ZNF804A: variants seen among roughly 807,000 people sequenced by gnomAD.
ZNF804A encodes the protein zinc finger protein 804A.
A neutral mutation model predicts 16.5 loss-of-function variants in ZNF804A; 2 were observed. The observed-to-expected ratio is 0.12, with a 90% CI of 0.05 to 0.38. ZNF804A has a LOEUF of 0.38. Among genes scored for constraint, ZNF804A ranks in the 10% least tolerant of loss-of-function variants. The pLI is 0.99. For synonymous variants in ZNF804A, 534 were observed against 489.6 expected, an observed-to-expected ratio of 1.09 and a Z score of -1.20; for missense variants, 1,473 against 1,390.7, an observed-to-expected ratio of 1.06 and a Z score of -0.94.
chr2:184,619,806 A>C lies in ZNF804A; in HGVS notation c.111+20736A>C. On this transcript the variant is annotated intron_variant, in intron 1 of 3. Coordinates refer to ENST00000302277, the MANE Select transcript of ZNF804A (RefSeq NM_194250.2). ...ATTCTTATAATAATGATAGACTATA[A>C]ACATATTTTACAAAGAAGAATAAAT... Among the ~76,000 whole-genome samples, 3 of 152,034 alleles carry C rather than the reference A, an allele frequency of 2.0e-5. No individual in the cohort carries two copies. In the Middle Eastern group the frequency reaches 0.01, roughly 521 times the overall value.
intron 1 of ZNF804A, among the ~76,000 whole-genome samples, chr2:184,848,911 T>A (rs1369669122): frequency 6.6e-6 from 1 of 152,128 alleles, no homozygotes; most frequent in African/African-American, 2.4e-5. Flanking sequence ...AGCCCAGTGC[T>A]TCTTGAAAGT....
At chr2:184,627,245 A>G (rs1352771298) in intron 1 of ZNF804A, among the ~76,000 whole-genome samples, 1 of 152,164 alleles carries the variant, frequency 6.6e-6, no homozygotes, top group African/African-American at 2.4e-5. Context: ...ATTAGTACAT[A>G]AAATGAATCA....
intron 1 of ZNF804A, among the ~76,000 whole-genome samples, chr2:184,600,123 A>G (rs893682241): frequency 6.6e-6 from 1 of 152,194 alleles, no homozygotes. Context: ...TGAGGAGAGT[A>G]GAAGTTTAAG....
At chr2:184,692,287 T>C (rs1358758474) in intron 1 of ZNF804A, among the ~76,000 whole-genome samples, 1 of 152,162 alleles carries the variant, frequency 6.6e-6, no homozygotes, top group Non-Finnish European at 1.5e-5. Flanking sequence ...CTGTCTTCTG[T>C]CATGGTGTGA....
In ZNF804A at chr2:184,911,688, C is replaced by T. The variant is rs893615307; in HGVS notation, c.256-21915C>T. 6.6e-5 allele frequency among the ~76,000 whole-genome samples: 10 copies of T among 151,738 alleles called. No individual in the cohort carries two copies. The East Asian group carries it at 1.4e-3, about 21-fold the overall frequency. On this transcript the variant is annotated intron_variant, in intron 2 of 3. Transcript: ENST00000302277. ...AGTTTTCCTTGTGGAGACCTTTCAC[C>T]TCCTTGGTTAGACGTATTCTTGGAT...
At chr2:184,704,226 AC>A (rs1270914587) in intron 1 of ZNF804A, among the ~76,000 whole-genome samples, 1 of 149,528 alleles carries the variant, frequency 6.7e-6, no homozygotes, top group African/African-American at 2.5e-5. Flanking sequence ...ATCTCTACTC[AC>A]GGCAACCCCC....
chr2:184,644,346 A>G (rs902736490), intron 1 of ZNF804A, among the ~76,000 whole-genome samples: 1 of 151,672 alleles, frequency 6.6e-6, no homozygotes, highest in African/African-American at 2.4e-5. Flanking sequence ...AGAAGCAACA[A>G]TATTTGTGTG....
At position 184,938,930 on chromosome 2, in the gene ZNF804A, T is replaced by C; in HGVS notation, c.3534T>C (p.His1178=). ...CAATCATTCCAGCTTCCGTTCTTCA[T>C]CCTAGCCATCTGGCTTTCCCATCTT... ...QMPIIPASVL[H]PSHLAFPSLP... is the part of the protein sequence containing the mutation. The change falls in exon 4 of 4, where the codon CAT becomes CAC. Residue 1178 remains histidine (H), a synonymous_variant. Transcript: ENST00000302277. 6.2e-7 allele frequency: 1 copy of C among 1,613,946 alleles called. No homozygotes were observed. The highest frequency in any genetic ancestry group is 8.5e-7 in the Non-Finnish European group (1 of 1,179,982).
In ZNF804A at chr2:184,817,842, C is replaced by T. The variant is rs189375974; in HGVS notation, c.112-48527C>T. ...GACTATCTTTCCGAAATAAGACAGG[C>T]AGAAAAGGACAGAGGAAAAAAGAAT... is the stretch of plus-strand genomic sequence containing the variant. On this transcript the variant is annotated intron_variant, in intron 1 of 3. Transcript: ENST00000302277. Among the ~76,000 whole-genome samples, 407 of 151,696 alleles carry T rather than the reference C, an allele frequency of 2.7e-3. 1 individual carries two copies. Among genetic ancestry groups the T allele is most frequent in the Non-Finnish European group, 4.2e-3 (288 of 67,828 alleles).
intron 1 of ZNF804A, among the ~76,000 whole-genome samples, chr2:184,627,581 T>A (rs1691526054): frequency 6.6e-6 from 1 of 152,202 alleles, no homozygotes; most frequent in Admixed American, 6.6e-5. Flanking sequence ...ATAATTATTA[T>A]TAGCTTGACA....
At chr2:184,854,971 C>T (rs909686926) in intron 1 of ZNF804A, among the ~76,000 whole-genome samples, 3 of 151,956 alleles carry the variant, frequency 2.0e-5, no homozygotes, top group Admixed American at 6.6e-5. Context: ...GTGTTGATAA[C>T]ATATTTACTT....
At chr2:184,917,976 T>A (rs1212663364) in intron 2 of ZNF804A, among the ~76,000 whole-genome samples, 1 of 152,166 alleles carries the variant, frequency 6.6e-6, no homozygotes, top group Non-Finnish European at 1.5e-5. Context: ...TAGTCATTCC[T>A]TGACTAGTGG....
intron 1 of ZNF804A, among the ~76,000 whole-genome samples, chr2:184,689,286 T>C (rs1348203008): frequency 3.3e-5 from 5 of 152,274 alleles, no homozygotes; most frequent in Non-Finnish European, 7.4e-5. Context: ...ACAATCATCT[T>C]CTAGATTATT....
At chr2:184,806,373 CAAAT>C (rs1290419481) in intron 1 of ZNF804A, among the ~76,000 whole-genome samples, 2 of 151,766 alleles carry the variant, frequency 1.3e-5, no homozygotes, top group South Asian at 2.1e-4. Flanking sequence ...CAATTTTAGT[CAAAT>C]AAATAAATGT....
intron 1 of ZNF804A, among the ~76,000 whole-genome samples, chr2:184,798,348 A>G (rs1459844236): frequency 4.6e-5 from 7 of 151,394 alleles, no homozygotes. Context: ...AAACTTTTAG[A>G]TTTTTCTTCT....
At chr2:184,857,404 T>C (rs1344702846) in intron 1 of ZNF804A, among the ~76,000 whole-genome samples, 1 of 152,146 alleles carries the variant, frequency 6.6e-6, no homozygotes, top group Admixed American at 6.6e-5. Flanking sequence ...ACATATAGGC[T>C]ATCCAGGAGA....
chr2:184,888,602 A>G (rs1684933520), intron 2 of ZNF804A, among the ~76,000 whole-genome samples: 1 of 152,196 alleles, frequency 6.6e-6, no homozygotes, highest in East Asian at 1.9e-4. Flanking sequence ...CTGCAGTGCC[A>G]TAAAGTTTAA....
At position 184,937,257 on chromosome 2, in the gene ZNF804A, G is replaced by T; in HGVS notation, c.1861G>T (p.Glu621Ter). Residue 621 changes from glutamate (E) to a stop codon, truncating the protein, a stop_gained, in exon 4 of 4, where the codon GAA (glutamate) becomes TAA (stop). Transcript: ENST00000302277. LOFTEE classifies it low-confidence loss of function (END_TRUNC). ...TKESETRCKM[E>*]AENSYTENAG... is the part of the protein sequence containing the mutation. Reference sequence around the variant, plus strand: ...AGAATCAGAAACTCGCTGCAAAATGGAAGCAGAGAATAGTTACACTGAAAA... The same window carrying T: ...AGAATCAGAAACTCGCTGCAAAATGTAAGCAGAGAATAGTTACACTGAAAA... 6.2e-7 allele frequency: 1 copy of T among 1,612,726 alleles called. No homozygotes were observed. Among genetic ancestry groups the T allele is most frequent in the Non-Finnish European group, 8.5e-7 (1 of 1,179,652 alleles).
At chr2:184,811,448 A>ATG (rs1251194298) in intron 1 of ZNF804A, among the ~76,000 whole-genome samples, 1 of 44,826 alleles carries the variant, frequency 2.2e-5, no homozygotes, top group African/African-American at 8.4e-5. Flanking sequence ...TATTAGTATC[A>ATG]TTATTAGATA....
Sources: allele counts gnomAD v4.1 joint callset (sites outside exome capture counted in the v4.1 genomes callset), GRCh38; gene constraint gnomAD v4.1.1; transcripts MANE v1.5; gene names NCBI Gene and HGNC (gene_info 2026-07-23, HGNC 2026-07-21).